Variants in SLC10A2 observed in about 807,000 individuals in gnomAD.
The protein encoded by SLC10A2 is ileal sodium/bile acid cotransporter.
A neutral mutation model predicts 27.1 loss-of-function variants in SLC10A2; 34 were observed. The observed-to-expected ratio is 1.26, with a 90% CI of 0.96 to 1.67. SLC10A2 has a LOEUF of 1.67. SLC10A2 is among the 40% of genes most tolerant of loss of function. SLC10A2 has a pLI of 0.00. For synonymous variants in SLC10A2, 205 were observed against 174.0 expected (o/e 1.18, Z -1.40); for missense variants, 530 against 444.4 (o/e 1.19, Z -1.73).
chr13:103,050,103 T>C (rs748648724), intron 4 of SLC10A2, among the ~76,000 whole-genome samples: 2 of 152,168 alleles, frequency 1.3e-5, no homozygotes, highest in Non-Finnish European at 2.9e-5. Context: ...GAGCTATGAT[T>C]GTGCCACTGG....
chr13:103,049,128 C>T (rs575105137), intron 5 of SLC10A2, among the ~76,000 whole-genome samples, 161 bp downstream of exon 5: 1 of 152,304 alleles, frequency 6.6e-6, no homozygotes, highest in East Asian at 1.9e-4. Context: ...ACCATCTTTT[C>T]ATCAGCAATT....
intron 4 of SLC10A2, among the ~76,000 whole-genome samples, chr13:103,050,043 A>G (rs1053641003): frequency 2.0e-5 from 3 of 152,176 alleles, no homozygotes; most frequent in Non-Finnish European, 4.4e-5. Flanking sequence ...TTGTAGTCCC[A>G]GCTCCTCGGG....
chr13:103,056,758 A>G (rs534155387), intron 2 of SLC10A2, among the ~76,000 whole-genome samples: 22 of 152,220 alleles, frequency 1.4e-4, no homozygotes, highest in African/African-American at 2.4e-4. Context: ...AGGAGGTTAT[A>G]TATGATATTA....
chr13:103,056,230 T>C (rs1241509504), intron 2 of SLC10A2, among the ~76,000 whole-genome samples: 2 of 152,272 alleles, frequency 1.3e-5, no homozygotes, highest in African/African-American at 2.4e-5. Flanking sequence ...CTTGTGGTAC[T>C]GAGGAACAAG....
At position 103,049,319 on chromosome 13, in the gene SLC10A2, G is replaced by T; in HGVS notation, c.889C>A (p.Gln297Lys). 1 of 1,613,958 alleles carries T rather than the reference G, an allele frequency of 6.2e-7. No homozygotes were observed. The highest frequency in any genetic ancestry group is 8.5e-7 in the Non-Finnish European group (1 of 1,179,874). ...AAGAATATTGCGGCAAAGGCGAGCT[G>T]GAAAATGCTGTAGATGAGCGGGAAG... ...FTFPLIYSIF[Q>K]LAFAAIFLGF... The change falls in exon 5 of 6, where the codon CAG becomes AAG. Residue 297 changes from glutamine to lysine, a missense_variant. By Grantham distance (53) the Gln-to-Lys change is moderately conservative. Transcript: ENST00000245312.
At position 103,061,730 on chromosome 13, in the gene SLC10A2, C is replaced by T. The variant is rs368808525; in HGVS notation, c.378-3348G>A. On this transcript the variant is annotated intron_variant, in intron 1 of 5. Coordinates refer to ENST00000245312, the MANE Select transcript of SLC10A2 (RefSeq NM_000452.3). ...GGTTTAGACTTGTGAGCAGCACTGA[C>T]GAAGAGACCTTGCAGATGAACAGAC... is the stretch of plus-strand genomic sequence containing the variant. Among the ~76,000 whole-genome samples the T allele has an allele frequency of 9.1e-4, 139 of 151,976 alleles. 1 individual carries two copies. The South Asian group carries it at 0.027, about 30-fold the overall frequency.
At chr13:103,058,228 G>A (rs1875996612) in intron 2 of SLC10A2, 36 bp downstream of exon 2, 3 of 1,190,070 alleles carry the variant, frequency 2.5e-6, no homozygotes, top group Non-Finnish European at 2.5e-6. Flanking sequence ...AGAGTTTGAG[G>A]GTAACAGTCA....
At position 103,058,291 on chromosome 13, in the gene SLC10A2, T is replaced by A. The variant is rs1331735638; in HGVS notation, c.469A>T (p.Ser157Cys). The A allele has an allele frequency of 6.2e-7, 1 of 1,609,266 alleles. No homozygotes were observed. Among genetic ancestry groups the A allele is most frequent in the South Asian group, 1.1e-5 (1 of 90,950 alleles). ...ATGTTATCATAGGGAATTACGATGC[T>A]CCCAGAGTCGACCCACATTTTGGTA... is the stretch of plus-strand genomic sequence containing the variant. ...IYTKMWVDSG[S>C]IVIPYDNIGT... The change falls in exon 2 of 6, where the codon AGC becomes TGC. Residue 157 changes from serine (S) to cysteine (C), a missense_variant. Coordinates refer to ENST00000245312, the MANE Select transcript of SLC10A2 (RefSeq NM_000452.3).
intron 1 of SLC10A2, among the ~76,000 whole-genome samples, chr13:103,058,664 C>T (rs771746806): frequency 3.3e-5 from 5 of 152,038 alleles, no homozygotes; most frequent in South Asian, 2.1e-4. Context: ...TGTGTCCATG[C>T]GTTCTCATCA....
At chr13:103,062,025 A>G (rs567911756) in intron 1 of SLC10A2, among the ~76,000 whole-genome samples, 54 of 152,312 alleles carry the variant, frequency 3.5e-4, no homozygotes, top group Admixed American at 5.2e-4. Flanking sequence ...TCTTGGTCTT[A>G]ATTTTGACTT....
At chr13:103,054,048 C>A (rs1476356983) in intron 2 of SLC10A2, among the ~76,000 whole-genome samples, 1 of 152,110 alleles carries the variant, frequency 6.6e-6, no homozygotes, top group Non-Finnish European at 1.5e-5. Context: ...ATTATAATCC[C>A]CAGTTGGAGG....
In SLC10A2 at chr13:103,066,330, C is replaced by A; in HGVS notation, c.-81G>T. On this transcript the variant is annotated 5_prime_UTR_variant, in exon 1 of 6. Transcript: ENST00000245312. ...TGGCTCTGCTGCTGGTTGAGTTAAG[C>A]AACGTTTACTTCTACCCCATCAAAC... 6.7e-7 allele frequency: 1 copy of A among 1,482,268 alleles called. No individual in the cohort carries two copies. The highest frequency in any genetic ancestry group is 9.0e-7 in the Non-Finnish European group (1 of 1,111,380). The allele number at this position is 1,482,268 out of a possible 1,614,324, so 91.8% of individuals were successfully genotyped here.
At chr13:103,051,201 G>A (rs1595438402) in intron 4 of SLC10A2, 56 bp downstream of exon 4, 1 of 1,564,534 alleles carries the variant, frequency 6.4e-7, no homozygotes, top group East Asian at 2.2e-5. Context: ...TCTAGCAAAG[G>A]AATACAACAG....
At chr13:103,062,383 A>G (rs1006081934) in intron 1 of SLC10A2, among the ~76,000 whole-genome samples, 1 of 152,248 alleles carries the variant, frequency 6.6e-6, no homozygotes, top group African/African-American at 2.4e-5. Context: ...TATCTGCCAA[A>G]TGCAGAAAAT....
chr13:103,054,821 C>T (rs1875894721), intron 2 of SLC10A2, among the ~76,000 whole-genome samples: 1 of 152,044 alleles, frequency 6.6e-6, no homozygotes, highest in African/African-American at 2.4e-5. Flanking sequence ...ACTTTGGTCT[C>T]CAGTGGGCTG....
intron 5 of SLC10A2, among the ~76,000 whole-genome samples, chr13:103,046,525 C>T (rs1055535157): frequency 2.6e-5 from 4 of 152,126 alleles, no homozygotes; most frequent in South Asian, 2.1e-4. Flanking sequence ...CAGCCCTGCA[C>T]GTGGTACTCA....
At chr13:103,058,804 C>G (rs1218886205) in intron 1 of SLC10A2, among the ~76,000 whole-genome samples, 1 of 152,240 alleles carries the variant, frequency 6.6e-6, no homozygotes, top group Non-Finnish European at 1.5e-5. Flanking sequence ...ATTTTTATGG[C>G]TGCATAGTAT....
chr13:103,062,807 G>T (rs748207982), intron 1 of SLC10A2, among the ~76,000 whole-genome samples: 1 of 152,194 alleles, frequency 6.6e-6, no homozygotes, highest in Non-Finnish European at 1.5e-5. Context: ...TAGGTGGCAG[G>T]GAAGGAACTG....
chr13:103,062,179 T>TA (rs1215719259), intron 1 of SLC10A2, among the ~76,000 whole-genome samples: 1 of 152,184 alleles, frequency 6.6e-6, no homozygotes, highest in Admixed American at 6.5e-5. Context: ...AGAAGTAAAA[T>TA]ACCAAGTTTG....
Sources: gnomAD v4.1 joint callset for allele counts (sites outside exome capture counted in the v4.1 genomes callset) on GRCh38, gnomAD v4.1.1 for gene constraint, MANE v1.5 for transcripts, NCBI Gene and HGNC (gene_info 2026-07-23, HGNC 2026-07-21) for gene names.